Variants in MNAT1 observed in about 807,000 individuals in gnomAD.
The protein encoded by MNAT1 is MNAT1 component of CDK activating kinase, also known as CDK-activating kinase assembly factor MAT1.
In MNAT1, 43 loss-of-function variants were observed where a neutral mutation model predicts 42.0. That is an observed-to-expected ratio of 1.02 (90% CI 0.80 to 1.32). MNAT1 has a LOEUF of 1.32. MNAT1 is among the 40% of genes most tolerant of loss of function. The pLI, the probability that MNAT1 is intolerant of heterozygous loss-of-function variation, is 0.00. For synonymous variants in MNAT1, 118 were observed against 120.0 expected, an observed-to-expected ratio of 0.98 and a Z score of 0.11; for missense variants, 306 against 350.4, an observed-to-expected ratio of 0.87 and a Z score of 1.01.
At chr14:60,869,662 T>G (rs1299955252) in intron 6 of MNAT1, among the ~76,000 whole-genome samples, 1 of 152,204 alleles carries the variant, frequency 6.6e-6, no homozygotes, top group Non-Finnish European at 1.5e-5. Context: ...GTCAGCACTT[T>G]GTAATTACAA....
rs547374099 is a variant in MNAT1, at chr14:60,844,386, T to C, written c.687+25539T>C. Among the ~76,000 whole-genome samples the C allele has an allele frequency of 9.9e-5, 15 of 152,236 alleles. No homozygotes were observed. In the South Asian group the frequency reaches 2.5e-3, roughly 25 times the overall value. ...GTATGCTTCATTTATTTAGGGCCTCTTTATCTCAGCAATGTTTTGTAGTTT... is the reference window on the plus strand; with the variant it reads ...GTATGCTTCATTTATTTAGGGCCTCCTTATCTCAGCAATGTTTTGTAGTTT... On this transcript the variant is annotated intron_variant, in intron 6 of 7. Transcript: ENST00000261245.
At chr14:60,942,985 T>C (rs1320165557) in intron 7 of MNAT1, among the ~76,000 whole-genome samples, 1 of 150,164 alleles carries the variant, frequency 6.7e-6, no homozygotes, top group Non-Finnish European at 1.5e-5. Flanking sequence ...TTGTATTAAT[T>C]GAATTAGAAC....
chr14:60,799,537 AGGTGTT>A, intron 3 of MNAT1: 1 of 355,868 alleles, frequency 2.8e-6, no homozygotes. Flanking sequence ...AGGAAATTAT[AGGTGTT>A]GCAGTACAAG....
intron 6 of MNAT1, among the ~76,000 whole-genome samples, chr14:60,876,167 C>G (rs1025557197): frequency 1.3e-5 from 2 of 152,056 alleles, no homozygotes; most frequent in African/African-American, 4.8e-5. Flanking sequence ...CCCACTCAGG[C>G]ACTGTCTTCT....
intron 4 of MNAT1, 21 bp from the exon 5 acceptor site, chr14:60,811,966 A>C: frequency 6.5e-7 from 1 of 1,544,752 alleles, no homozygotes; most frequent in Non-Finnish European, 8.7e-7. Context: ...ATTCCACGCC[A>C]TATATAAATT....
intron 1 of MNAT1, among the ~76,000 whole-genome samples, chr14:60,744,452 T>C (rs916481149): frequency 6.6e-6 from 1 of 152,212 alleles, no homozygotes; most frequent in African/African-American, 2.4e-5. Flanking sequence ...TGGTTTCTAT[T>C]GACTGCTTTT....
At chr14:60,863,060 TAAC>T (rs200010565) in intron 6 of MNAT1, among the ~76,000 whole-genome samples, 70 of 152,020 alleles carry the variant, frequency 4.6e-4, no homozygotes, top group South Asian at 2.1e-3. Context: ...ATTCGAAATT[TAAC>T]AACAACAACA....
intron 1 of MNAT1, among the ~76,000 whole-genome samples, chr14:60,782,618 T>G (rs1424309436): frequency 1.3e-5 from 2 of 152,226 alleles, no homozygotes; most frequent in African/African-American, 4.8e-5. Flanking sequence ...ATTGAGAGTG[T>G]ACTATGTGTC....
At chr14:60,855,983 A>G (rs868300084) in intron 6 of MNAT1, among the ~76,000 whole-genome samples, 1 of 152,170 alleles carries the variant, frequency 6.6e-6, no homozygotes. Flanking sequence ...ACACAACAAT[A>G]TTTAAAATAG....
chr14:60,946,245 C>G (rs1446683417), intron 7 of MNAT1, among the ~76,000 whole-genome samples: 2 of 152,202 alleles, frequency 1.3e-5, no homozygotes, highest in Non-Finnish European at 2.9e-5. Flanking sequence ...CTGAATCTTC[C>G]TCTGACTACT....
chr14:60,929,170 A>AAAT lies in MNAT1; in HGVS notation c.810-39058_810-39057insATA, dbSNP rs1555336771. On this transcript the variant is annotated intron_variant, in intron 7 of 7. Coordinates refer to ENST00000261245, the MANE Select transcript of MNAT1 (RefSeq NM_002431.4). ...TCCCAAAAAAAAAAAAAAAAAAAAA[A>AAAT]ATATATATATATATATATATATATG... is the stretch of plus-strand genomic sequence containing the variant. 2.3e-4 allele frequency among the ~76,000 whole-genome samples: 11 copies of AAAT among 47,460 alleles called. No homozygotes were observed. In the South Asian group the frequency reaches 2.6e-3, roughly 11 times the overall value. The allele number at this position is 47,460 out of a possible 152,430, so 31.1% of individuals were successfully genotyped here.
At position 60,923,154 on chromosome 14, in the gene MNAT1, A is replaced by G. The variant is rs536055776; in HGVS notation, c.809+43319A>G. 4.6e-5 allele frequency among the ~76,000 whole-genome samples: 7 copies of G among 152,288 alleles called. No individual in the cohort carries two copies. In the East Asian group the frequency reaches 1.4e-3, roughly 29 times the overall value. ...TTATTCCTGTCTCAAAGGGATCCTGATTCCCAATAGAGGACCTAGAGTAGT... is the reference window on the plus strand; with the variant it reads ...TTATTCCTGTCTCAAAGGGATCCTGGTTCCCAATAGAGGACCTAGAGTAGT... On this transcript the variant is annotated intron_variant, in intron 7 of 7. Transcript: ENST00000261245.
intron 6 of MNAT1, among the ~76,000 whole-genome samples, chr14:60,872,388 A>C (rs2034344803): frequency 6.6e-6 from 1 of 152,102 alleles, no homozygotes; most frequent in African/African-American, 2.4e-5. Context: ...TCCATCCTAC[A>C]TTACTCTTCC....
chr14:60,899,186 C>T (rs1441636339), intron 7 of MNAT1, among the ~76,000 whole-genome samples: 1 of 152,044 alleles, frequency 6.6e-6, no homozygotes, highest in Non-Finnish European at 1.5e-5. Context: ...CTACAATGCT[C>T]TATCACAAAG....
chr14:60,969,219 TAA>T lies in MNAT1; in HGVS notation c.*872_*873del, dbSNP rs1420341126. ...AGGCTTTTATTACCAGGGTTTTGCT[TAA>T]AGAGTTTAGATATGAATAGGATGAT... On this transcript the variant is annotated 3_prime_UTR_variant, in exon 8 of 8. Coordinates refer to ENST00000261245, the MANE Select transcript of MNAT1 (RefSeq NM_002431.4). 1 of 152,258 alleles carries T rather than the reference TAA, an allele frequency of 6.6e-6. No individual in the cohort carries two copies. The highest frequency in any genetic ancestry group is 2.4e-5 in the African/African-American group (1 of 41,452). The allele number at this position is 152,258 out of a possible 1,614,324, so 9.4% of individuals were successfully genotyped here. A position where few individuals can be genotyped will look rare whatever the true frequency, so the allele number is the denominator to read the frequency against.
At chr14:60,878,975 A>T (rs980307472) in intron 6 of MNAT1, among the ~76,000 whole-genome samples, 1 of 151,916 alleles carries the variant, frequency 6.6e-6, no homozygotes, top group Non-Finnish European at 1.5e-5. Flanking sequence ...TGAGATGTCT[A>T]TGGTGTTGCC....
At chr14:60,876,533 T>G (rs1419308252) in intron 6 of MNAT1, among the ~76,000 whole-genome samples, 1 of 152,028 alleles carries the variant, frequency 6.6e-6, no homozygotes, top group Non-Finnish European at 1.5e-5. Context: ...TCCAAAAATT[T>G]CTCATCTTCC....
intron 7 of MNAT1, among the ~76,000 whole-genome samples, chr14:60,895,022 T>A (rs1331388855): frequency 6.6e-6 from 1 of 152,190 alleles, no homozygotes; most frequent in Non-Finnish European, 1.5e-5. Context: ...AAATAGAATG[T>A]GTAACTCATA....
intron 7 of MNAT1, among the ~76,000 whole-genome samples, chr14:60,926,307 C>T (rs903291166): frequency 2.0e-5 from 3 of 152,216 alleles, no homozygotes; most frequent in East Asian, 1.9e-4. Flanking sequence ...ACCAACTGGG[C>T]GTCCTCTAAT....
Sources: gnomAD v4.1 joint callset for allele counts (sites outside exome capture counted in the v4.1 genomes callset) on GRCh38, gnomAD v4.1.1 for gene constraint, MANE v1.5 for transcripts, NCBI Gene and HGNC (gene_info 2026-07-23, HGNC 2026-07-21) for gene names.